Variants in TLE3 observed in about 807,000 individuals in gnomAD.
The protein encoded by TLE3 is TLE family member 3, transcriptional corepressor, also known as transducin-like enhancer protein 3.
A neutral mutation model predicts 93.0 loss-of-function variants in TLE3; 14 were observed. The ratio of observed to expected loss-of-function variants is 0.15; its 90% CI spans 0.10 to 0.24. TLE3 has a LOEUF of 0.24. TLE3 is among the 10% of genes least tolerant of loss of function. The probability of loss-of-function intolerance (pLI) is 1.00; values close to 1 mark genes in which losing one functional copy is unlikely to be tolerated. For synonymous variants in TLE3, 451 were observed against 425.0 expected, an observed-to-expected ratio of 1.06 and a Z score of -0.75; for missense variants, 693 against 1,046.6, an observed-to-expected ratio of 0.66 and a Z score of 4.66.
At chr15:70,075,096 C>G (rs1340296541) in intron 5 of TLE3, among the ~76,000 whole-genome samples, 1 of 152,230 alleles carries the variant, frequency 6.6e-6, no homozygotes, top group Non-Finnish European at 1.5e-5. Flanking sequence ...TCTACATATA[C>G]CTTATCCATA....
intron 4 of TLE3, among the ~76,000 whole-genome samples, chr15:70,081,506 A>G (rs2057777210): frequency 6.6e-6 from 1 of 152,218 alleles, no homozygotes; most frequent in East Asian, 1.9e-4. Flanking sequence ...GGCAAGAACA[A>G]TGATATCATA....
intron 9 of TLE3, among the ~76,000 whole-genome samples, chr15:70,060,003 C>T (rs942629883): frequency 6.6e-6 from 1 of 152,208 alleles, no homozygotes; most frequent in Non-Finnish European, 1.5e-5. Flanking sequence ...CCATATCCTC[C>T]CCTTCCCTCT....
intron 6 of TLE3, among the ~76,000 whole-genome samples, chr15:70,074,227 C>T (rs2057328127): frequency 6.6e-6 from 1 of 152,174 alleles, no homozygotes; most frequent in Non-Finnish European, 1.5e-5. Context: ...TGAAGGTGAC[C>T]CTAGGCCCCC....
intron 17 of TLE3, 183 bp from the exon 18 acceptor site, chr15:70,052,707 T>C: frequency 1.9e-6 from 1 of 517,784 alleles, no homozygotes; most frequent in South Asian, 4.5e-5. Context: ...GCACAGACAT[T>C]TTGCATTCAG....
intron 8 of TLE3, among the ~76,000 whole-genome samples, chr15:70,062,520 G>C (rs376312760): frequency 3.4e-4 from 52 of 152,318 alleles, no homozygotes; most frequent in African/African-American, 1.3e-3. Context: ...GGCATTTAGC[G>C]GCATCGATCC....
In TLE3 at chr15:70,048,343, ATC is replaced by A. The variant is rs2141324653; in HGVS notation, c.*1752_*1753del. 1 of 152,302 alleles carries A rather than the reference ATC, an allele frequency of 6.6e-6. No individual in the cohort carries two copies. The highest frequency in any genetic ancestry group is 2.1e-4 in the South Asian group (1 of 4,824). 9.4% of individuals were successfully genotyped at this position (152,302 alleles called of 1,614,324 possible). On this transcript the variant is annotated 3_prime_UTR_variant, in exon 20 of 20. Transcript: ENST00000451782. ...CCTTAACAAGAGGTGGCAGATGGAC[ATC>A]TGAGACCCAGAGAGACTCTGGACGC...
chr15:70,055,433 A>G, intron 14 of TLE3, 135 bp from the exon 15 acceptor site: 2 of 1,281,928 alleles, frequency 1.6e-6, no homozygotes, highest in South Asian at 3.1e-5. Flanking sequence ...AAACCATTCG[A>G]ACCCAGTAAC....
At chr15:70,075,013 C>A (rs542573419) in intron 5 of TLE3, among the ~76,000 whole-genome samples, 1 of 152,132 alleles carries the variant, frequency 6.6e-6, no homozygotes, top group Non-Finnish European at 1.5e-5. Flanking sequence ...TTAGGAGATG[C>A]AGTTATAGTA....
Position 70,051,370 on chromosome 15 carries a change from G to A in TLE3, c.2202+21C>T, listed in dbSNP as rs1416046201. 4.4e-6 allele frequency: 7 copies of A among 1,593,906 alleles called. No homozygotes were observed. The Admixed American group carries it at 8.8e-5, about 20-fold the overall frequency. The stretch of plus-strand genomic sequence containing the variant: ...CAACTCTGGGTAGAACCCAGAGGAG[G>A]ACTCAGACGGTGGGCAGTACCTGGA... On this transcript the variant is annotated intron_variant, in intron 19 of 19. Transcript: ENST00000451782.
Position 70,060,512 on chromosome 15 carries a change from A to G in TLE3, c.714+18T>C. ...ACCCAACAGAAACCCCAGTGGTGCC[A>G]TGGCGCCTTGGACGTACGTATCGGC... On this transcript the variant is annotated intron_variant, in intron 9 of 19. Coordinates refer to ENST00000451782, the MANE Select transcript of TLE3 (RefSeq NM_001105192.3). The G allele has an allele frequency of 6.2e-7, 1 of 1,613,286 alleles. No homozygotes were observed. Among genetic ancestry groups the G allele is most frequent in the Non-Finnish European group, 8.5e-7 (1 of 1,179,596 alleles).
rs760026879 is a variant in TLE3, at chr15:70,096,850, CGGGGAGGTGCG to C, written c.-63_-53del. The C allele has an allele frequency of 6.5e-7, 1 of 1,528,894 alleles. No homozygotes were observed. Among genetic ancestry groups the C allele is most frequent in the Non-Finnish European group, 8.9e-7 (1 of 1,120,832 alleles). The allele number at this position is 1,528,894 out of a possible 1,614,324, so 94.7% of individuals were successfully genotyped here. On this transcript the variant is annotated 5_prime_UTR_variant, in exon 1 of 20. Transcript: ENST00000451782. ...GCGTGGAAGCGCCGAGAGCCCGGGC[CGGGGAGGTGCG>C]GGGGAGGGGGGAGCCGAGCCCGAGC...
intron 3 of TLE3, 174 bp downstream of exon 3, chr15:70,095,403 GC>G: frequency 6.8e-7 from 1 of 1,477,118 alleles, no homozygotes; most frequent in Non-Finnish European, 9.0e-7. Context: ...CCTCCAAGTG[GC>G]CCCGGCAATG....
chr15:70,065,364 G>T (rs1232704852), intron 7 of TLE3, among the ~76,000 whole-genome samples: 1 of 152,198 alleles, frequency 6.6e-6, no homozygotes, highest in East Asian at 1.9e-4. Context: ...CTCATGGTAG[G>T]GGCTGCAGAG....
intron 19 of TLE3, chr15:70,051,138 C>T (rs554722116): frequency 8.8e-5 from 32 of 364,360 alleles, no homozygotes; most frequent in Non-Finnish European, 1.6e-4. Context: ...ACAAGCGCCC[C>T]GGCTTAGAAG....
At chr15:70,092,849 C>T (rs2058368066) in intron 4 of TLE3, among the ~76,000 whole-genome samples, 1 of 152,156 alleles carries the variant, frequency 6.6e-6, no homozygotes, top group South Asian at 2.1e-4. Flanking sequence ...CAACATGCAA[C>T]GAGACATTAC....
intron 4 of TLE3, among the ~76,000 whole-genome samples, chr15:70,082,963 G>C (rs1309722457): frequency 6.6e-6 from 1 of 151,406 alleles, no homozygotes; most frequent in Middle Eastern, 3.4e-3. Flanking sequence ...TACAGTGTAA[G>C]GGAACTGGGG....
In TLE3 at chr15:70,060,657, G is replaced by T. The variant is rs1235734493; in HGVS notation, c.595-8C>A. The T allele has an allele frequency of 1.2e-6, 2 of 1,613,182 alleles. No individual in the cohort carries two copies. The highest frequency in any genetic ancestry group is 1.7e-6 in the Non-Finnish European group (2 of 1,179,568). On this transcript the variant is annotated splice_region_variant and splice_polypyrimidine_tract_variant and intron_variant, in intron 8 of 19. Transcript: ENST00000451782. The stretch of plus-strand genomic sequence containing the variant: ...GGGTGACACAGAGTTATTCTGGAAG[G>T]AAAAAGAGGGTTCGGGGTTAAAACT...
chr15:70,096,081 G>A, intron 2 of TLE3, 80 bp downstream of exon 2: 1 of 1,469,886 alleles, frequency 6.8e-7, no homozygotes, highest in South Asian at 1.3e-5. Context: ...AGCCCCCTCC[G>A]TCCCCGCGGG....
chr15:70,058,898 G>A lies in TLE3; in HGVS notation c.766-83C>T, dbSNP rs1355055299. The A allele has an allele frequency of 5.5e-6, 8 of 1,445,554 alleles. No homozygotes were observed. The highest frequency in any genetic ancestry group is 6.4e-6 in the Non-Finnish European group (7 of 1,100,796). 89.5% of individuals were successfully genotyped at this position (1,445,554 alleles called of 1,614,324 possible). On this transcript the variant is annotated intron_variant, in intron 10 of 19. Transcript: ENST00000451782. This position sits in a 1 kb window ranked among gnomAD's most constrained non-coding sequence, Gnocchi z 4.1. ...CCTGCTCTGGGAGTGGGAAGAGAGA[G>A]GGCATGGGCGATGGGAAGACGAGCT...
Sources: allele counts gnomAD v4.1 joint callset (sites outside exome capture counted in the v4.1 genomes callset), GRCh38; gene constraint gnomAD v4.1.1; non-coding constraint Gnocchi (gnomAD v3.1); transcripts MANE v1.5; gene names NCBI Gene and HGNC (gene_info 2026-07-23, HGNC 2026-07-21).